SLC4A4: variants seen among roughly 807,000 people sequenced by gnomAD.
SLC4A4 encodes the protein electrogenic sodium bicarbonate cotransporter 1.
Under a neutral mutation model 111.5 loss-of-function variants are expected in SLC4A4, and 27 were observed. The ratio of observed to expected loss-of-function variants is 0.24; its 90% CI spans 0.18 to 0.33. SLC4A4 has a LOEUF of 0.33. Among genes scored for constraint, SLC4A4 ranks in the 10% least tolerant of loss-of-function variants. The pLI is 1.00. For synonymous variants in SLC4A4, 443 were observed against 463.4 expected, an observed-to-expected ratio of 0.96 and a Z score of 0.57; for missense variants, 909 against 1,315.5, an observed-to-expected ratio of 0.69 and a Z score of 4.78.
rs370035396 is a variant in SLC4A4 at position 71,440,742 on chromosome 4, G to A, written c.934G>A (p.Gly312Ser). 9 of 1,613,950 alleles carry A rather than the reference G, an allele frequency of 5.6e-6. No individual in the cohort carries two copies. Among genetic ancestry groups the A allele is most frequent in the Non-Finnish European group, 7.6e-6 (9 of 1,179,990 alleles). ...TAGGCTACAGCAGGCTGTCATGCTG[G>A]GTGCCCTGACTGAAGTTCCTGTGCC... Reference protein sequence around the residue: ...FVRLQQAVMLGALTEVPVPTR... With the variant: ...FVRLQQAVMLSALTEVPVPTR... Residue 312 changes from glycine to serine, a missense_variant, in exon 8 of 26, where the codon GGT becomes AGT. This residue lies in a region of SLC4A4 where 312 missense variants were observed against 402.0 expected (regional missense o/e 0.78). Transcript: ENST00000264485.
At chr4:71,111,470 T>A (rs1743083173) in intron 2 of SLC4A4, among the ~76,000 whole-genome samples, 2 of 149,422 alleles carry the variant, frequency 1.3e-5, no homozygotes. Context: ...CAAGTGATTC[T>A]CCTGCCTCAG....
At chr4:71,473,338 T>C in intron 14 of SLC4A4, 1 of 538,430 alleles carries the variant, frequency 1.9e-6, no homozygotes, top group Non-Finnish European at 3.3e-6. Flanking sequence ...GCTGCTTCTT[T>C]ATTGGTGTAG....
chr4:71,331,707 G>A (rs1423309978), intron 3 of SLC4A4, among the ~76,000 whole-genome samples: 2 of 148,982 alleles, frequency 1.3e-5, no homozygotes, highest in Admixed American at 6.8e-5. Flanking sequence ...TTGTGCACAT[G>A]TACCCTAGGA....
chr4:71,080,168 C>T (rs894159637), intron 1 of SLC4A4, among the ~76,000 whole-genome samples: 4 of 152,086 alleles, frequency 2.6e-5, no homozygotes, highest in African/African-American at 9.7e-5. Context: ...GTGCAGCATG[C>T]AAGCATCTCT....
intron 7 of SLC4A4, among the ~76,000 whole-genome samples, chr4:71,433,795 A>C (rs995836221): frequency 1.2e-4 from 18 of 152,226 alleles, no homozygotes; most frequent in African/African-American, 4.3e-4. Context: ...GGTCATAAGG[A>C]AAATATTATA....
intron 6 of SLC4A4, among the ~76,000 whole-genome samples, chr4:71,395,648 T>G (rs1251221636): frequency 6.6e-6 from 1 of 152,212 alleles, no homozygotes; most frequent in Non-Finnish European, 1.5e-5. Context: ...CCTATTCAGA[T>G]TTTGCAGCAG....
chr4:71,089,058 G>T (rs914379852), intron 1 of SLC4A4, among the ~76,000 whole-genome samples: 7 of 151,852 alleles, frequency 4.6e-5, no homozygotes, highest in Non-Finnish European at 1.0e-4. Context: ...AGGTAGATTT[G>T]GTCTTTTCAC....
At chr4:71,361,156 T>A (rs1284027869) in intron 6 of SLC4A4, among the ~76,000 whole-genome samples, 1 of 152,178 alleles carries the variant, frequency 6.6e-6, no homozygotes, top group Non-Finnish European at 1.5e-5. Flanking sequence ...TGTGACAATA[T>A]CCTTTATAAC....
intron 6 of SLC4A4, among the ~76,000 whole-genome samples, chr4:71,390,883 A>T (rs1719192679): frequency 6.6e-6 from 1 of 152,122 alleles, no homozygotes. Context: ...CTTGAAGTTC[A>T]TTTGTTTATT....
chr4:71,443,277 A>G (rs1724938406), intron 8 of SLC4A4, among the ~76,000 whole-genome samples: 1 of 151,196 alleles, frequency 6.6e-6, no homozygotes. Flanking sequence ...CAACCTCCTG[A>G]GCAGCTGGGA....
intron 15 of SLC4A4, among the ~76,000 whole-genome samples, chr4:71,489,675 G>C (rs1188696686): frequency 6.6e-6 from 1 of 151,758 alleles, no homozygotes; most frequent in Non-Finnish European, 1.5e-5. Context: ...TCCTCCGTCT[G>C]CTTGGTTATG....
intron 2 of SLC4A4, among the ~76,000 whole-genome samples, chr4:71,092,984 A>G (rs1201019278): frequency 1.3e-5 from 2 of 151,870 alleles, no homozygotes; most frequent in South Asian, 2.1e-4. Context: ...AGTCCCAGCT[A>G]CTCGGGAGGC....
intron 14 of SLC4A4, among the ~76,000 whole-genome samples, chr4:71,477,173 C>T (rs1353983383): frequency 6.6e-6 from 1 of 151,672 alleles, no homozygotes; most frequent in African/African-American, 2.4e-5. Flanking sequence ...ATTACTTAAT[C>T]TCTTTGTTTG....
chr4:71,302,631 A>T (rs1725364598), intron 3 of SLC4A4, among the ~76,000 whole-genome samples: 1 of 152,168 alleles, frequency 6.6e-6, no homozygotes, highest in Non-Finnish European at 1.5e-5. Flanking sequence ...GTGTGCTGTG[A>T]TTCTGGAAGA....
At chr4:71,146,692 C>T (rs1435196444) in intron 2 of SLC4A4, among the ~76,000 whole-genome samples, 1 of 151,954 alleles carries the variant, frequency 6.6e-6, no homozygotes, top group South Asian at 2.1e-4. Context: ...GATCCCTTTA[C>T]CATTATGTAA....
chr4:71,146,658 A>G (rs977180914), intron 2 of SLC4A4, among the ~76,000 whole-genome samples: 1 of 152,132 alleles, frequency 6.6e-6, no homozygotes, highest in Non-Finnish European at 1.5e-5. Flanking sequence ...TATATTTAGG[A>G]TAGTTAGTTC....
chr4:71,357,348 G>A (rs558162200), intron 6 of SLC4A4, among the ~76,000 whole-genome samples, 161 bp downstream of exon 6: 1 of 152,266 alleles, frequency 6.6e-6, no homozygotes, highest in Non-Finnish European at 1.5e-5. Flanking sequence ...CAGTTGGACA[G>A]GTTTGCAGTC....
rs1355309033 is a variant in SLC4A4 at position 71,254,900 on chromosome 4, A to C, written c.74-320A>C. 2.6e-5 allele frequency among the ~76,000 whole-genome samples: 4 copies of C among 152,124 alleles called. No homozygotes were observed. In the East Asian group the frequency reaches 5.8e-4, roughly 22 times the overall value. On this transcript the variant is annotated intron_variant, in intron 2 of 25. Transcript: ENST00000264485. ...AAGAGATACATGCTTAAGGTCAGAC[A>C]ACTAATTGATGGCAGAGTATGACAA...
chr4:71,330,450 C>A (rs984448734), intron 3 of SLC4A4, among the ~76,000 whole-genome samples: 2 of 152,152 alleles, frequency 1.3e-5, no homozygotes, highest in Admixed American at 6.5e-5. Flanking sequence ...ACTATCTGAT[C>A]TTTGATAAAC....
Sources: allele counts gnomAD v4.1 joint callset (sites outside exome capture counted in the v4.1 genomes callset), GRCh38; gene constraint gnomAD v4.1.1; regional missense constraint gnomAD v4.1.1; transcripts MANE v1.5; gene names NCBI Gene and HGNC (gene_info 2026-07-23, HGNC 2026-07-21).